Variants in ZDHHC20 observed in about 807,000 individuals in gnomAD.
ZDHHC20 encodes palmitoyltransferase ZDHHC20.
A neutral mutation model predicts 57.8 loss-of-function variants in ZDHHC20; 43 were observed. The observed-to-expected ratio is 0.74, with a 90% confidence interval of 0.58 to 0.96. The LOEUF (loss-of-function observed/expected upper bound fraction) is 0.96, where lower values mean the gene tolerates loss of function less well. ZDHHC20 is among the 40% of genes least tolerant of loss of function. The pLI is 0.00. For missense variants in ZDHHC20, 391 were observed against 441.1 expected (o/e 0.89, Z 1.02); for synonymous variants, 157 against 153.0 (o/e 1.03, Z -0.19).
chr13:21,387,781 GAT>G (rs1229986850), intron 8 of ZDHHC20, 147 bp from the exon 9 acceptor site: 9 of 430,586 alleles, frequency 2.1e-5, no homozygotes, highest in Non-Finnish European at 3.5e-5. Flanking sequence ...GCAATTAAAA[GAT>G]AAATTTATGA....
chr13:21,401,775 C>T lies in ZDHHC20; in HGVS notation c.441-90G>A, dbSNP rs922645502. 2.8e-5 allele frequency: 32 copies of T among 1,159,988 alleles called. No individual in the cohort carries two copies. In the African/African-American group the frequency reaches 5.1e-4, roughly 19 times the overall value. The allele number at this position is 1,159,988 out of a possible 1,614,324, so 71.9% of individuals were successfully genotyped here. A position where few individuals can be genotyped will look rare whatever the true frequency, so the allele number is the denominator to read the frequency against. On this transcript the variant is annotated intron_variant, in intron 5 of 12. Transcript: ENST00000400590. ...ATTTTCTTTTATTTGACTTAAAATT[C>T]CCTTTACAACTACATCTTAAGAGAA...
At chr13:21,439,996 G>A (rs1166965274) in intron 1 of ZDHHC20, among the ~76,000 whole-genome samples, 1 of 146,868 alleles carries the variant, frequency 6.8e-6, no homozygotes, top group African/African-American at 2.5e-5. Flanking sequence ...AAACCCAGGA[G>A]GCAGAGGTTT....
intron 12 of ZDHHC20, among the ~76,000 whole-genome samples, chr13:21,378,143 A>C (rs574034741): frequency 4.9e-4 from 75 of 152,180 alleles, no homozygotes; most frequent in South Asian, 2.3e-3. Context: ...CCTGGGCTCA[A>C]GTGATCCTCC....
intron 2 of ZDHHC20, among the ~76,000 whole-genome samples, chr13:21,421,771 A>G (rs1163346285): frequency 6.6e-6 from 1 of 152,174 alleles, no homozygotes; most frequent in Non-Finnish European, 1.5e-5. Context: ...GTTGTATTCT[A>G]TATATTTGAA....
intron 3 of ZDHHC20, among the ~76,000 whole-genome samples, chr13:21,415,249 G>C (rs753556676): frequency 6.6e-6 from 1 of 152,130 alleles, no homozygotes; most frequent in Non-Finnish European, 1.5e-5. Flanking sequence ...AGTAAAATAC[G>C]GGTCTTCTGT....
intron 1 of ZDHHC20, among the ~76,000 whole-genome samples, chr13:21,443,909 T>C (rs1200504836): frequency 6.6e-6 from 1 of 152,232 alleles, no homozygotes; most frequent in African/African-American, 2.4e-5. Flanking sequence ...ACACCTGTAA[T>C]TCCTGCAGTT....
intron 1 of ZDHHC20, among the ~76,000 whole-genome samples, chr13:21,435,740 A>G: frequency 6.6e-6 from 1 of 152,202 alleles, no homozygotes; most frequent in East Asian, 1.9e-4. Flanking sequence ...TTCTCAATAG[A>G]TGCTAAAAGG....
chr13:21,405,946 T>C (rs1158794418), intron 4 of ZDHHC20, among the ~76,000 whole-genome samples: 2 of 152,150 alleles, frequency 1.3e-5, no homozygotes, highest in Non-Finnish European at 2.9e-5. Context: ...AAAAAGCCCT[T>C]TCAGCCAAAA....
intron 8 of ZDHHC20, among the ~76,000 whole-genome samples, chr13:21,388,751 G>A (rs1232685428): frequency 6.6e-6 from 1 of 152,202 alleles, no homozygotes; most frequent in African/African-American, 2.4e-5. Context: ...ACCTTATGGA[G>A]TAAGACATCC....
At chr13:21,423,882 A>T (rs978455417) in intron 2 of ZDHHC20, among the ~76,000 whole-genome samples, 17 of 151,910 alleles carry the variant, frequency 1.1e-4, no homozygotes, top group Non-Finnish European at 1.2e-4. Flanking sequence ...CCCCATATTA[A>T]ATCAGGCTTG....
intron 1 of ZDHHC20, among the ~76,000 whole-genome samples, chr13:21,458,209 C>T (rs549345729): frequency 6.6e-6 from 1 of 152,282 alleles, no homozygotes; most frequent in African/African-American, 2.4e-5. Flanking sequence ...CCAATTCAAG[C>T]CAGTAGGTTA....
At chr13:21,443,986 T>A (rs906184641) in intron 1 of ZDHHC20, among the ~76,000 whole-genome samples, 3 of 152,072 alleles carry the variant, frequency 2.0e-5, no homozygotes, top group Admixed American at 2.0e-4. Flanking sequence ...TGAGACCCCA[T>A]CTCTACTAAA....
chr13:21,451,674 T>C (rs973147420), intron 1 of ZDHHC20, among the ~76,000 whole-genome samples: 14 of 152,062 alleles, frequency 9.2e-5, no homozygotes, highest in Non-Finnish European at 5.9e-5. Flanking sequence ...CATTATGCTA[T>C]GCAAAATACA....
chr13:21,449,459 C>T (rs867337661), intron 1 of ZDHHC20, among the ~76,000 whole-genome samples: 38 of 152,010 alleles, frequency 2.5e-4, no homozygotes, highest in Admixed American at 6.6e-4. Context: ...CTAGTCTGGA[C>T]TCCTTACATG....
intron 1 of ZDHHC20, among the ~76,000 whole-genome samples, chr13:21,439,054 C>A (rs1593267881): frequency 6.6e-6 from 1 of 152,160 alleles, no homozygotes; most frequent in South Asian, 2.1e-4. Context: ...CAGTAGGAAA[C>A]CAAAAACTTG....
At chr13:21,377,953 TAA>T (rs1872536340) in intron 12 of ZDHHC20, 1 of 152,268 alleles carries the variant, frequency 6.6e-6, no homozygotes, top group Non-Finnish European at 1.5e-5. Flanking sequence ...ATAACATAGA[TAA>T]ACCTCTTATT....
rs761762288 is a variant in ZDHHC20, at chr13:21,401,681, T to C, written c.445A>G (p.Ile149Val). The C allele has an allele frequency of 2.0e-6, 3 of 1,522,134 alleles. No homozygotes were observed. Among genetic ancestry groups the C allele is most frequent in the Non-Finnish European group, 2.6e-6 (3 of 1,138,008 alleles). The allele number at this position is 1,522,134 out of a possible 1,614,324, so 94.3% of individuals were successfully genotyped here. A position where few individuals can be genotyped will look rare whatever the true frequency, so the allele number is the denominator to read the frequency against. Residue 149 changes from isoleucine (I) to valine (V), a missense_variant, in exon 6 of 13, where the codon ATT becomes GTT. Ile to Val is a conservative substitution (Grantham distance 29). This residue lies in a region of ZDHHC20 where 185 missense variants were observed against 188.0 expected (regional missense o/e 0.98). Transcript: ENST00000400590. Reference sequence around the variant, plus strand: ...GGACAGTGATGATCCATCTTAAGAATACATCTAGGAAACAAACAAGCATAA... The same window carrying C: ...GGACAGTGATGATCCATCTTAAGAACACATCTAGGAAACAAACAAGCATAA... Reference protein sequence around the residue: ...AHHCSACDSCILKMDHHCPWV... With the variant: ...AHHCSACDSCVLKMDHHCPWV...
intron 1 of ZDHHC20, among the ~76,000 whole-genome samples, chr13:21,438,622 G>A (rs1407345710): frequency 6.6e-6 from 1 of 152,224 alleles, no homozygotes; most frequent in African/African-American, 2.4e-5. Context: ...TGTGAACACT[G>A]ATGAAATGAC....
At chr13:21,438,201 T>C (rs1259105642) in intron 1 of ZDHHC20, among the ~76,000 whole-genome samples, 1 of 152,236 alleles carries the variant, frequency 6.6e-6, no homozygotes, top group African/African-American at 2.4e-5. Context: ...AGCCTTATTA[T>C]TTATTTAAGA....
Sources: gnomAD v4.1 joint callset for allele counts (sites outside exome capture counted in the v4.1 genomes callset) on GRCh38, gnomAD v4.1.1 for gene constraint, gnomAD v4.1.1 regional missense constraint, MANE v1.5 for transcripts, NCBI Gene and HGNC (gene_info 2026-07-23, HGNC 2026-07-21) for gene names.